Variants in ZNF280D observed in about 807,000 individuals in gnomAD.
ZNF280D encodes zinc finger protein 280D.
Under a neutral mutation model 94.7 loss-of-function variants are expected in ZNF280D, and 39 were observed. That is an observed-to-expected ratio of 0.41 (90% CI 0.32 to 0.54). The LOEUF (loss-of-function observed/expected upper bound fraction) is 0.54. ZNF280D is among the 20% of genes least tolerant of loss of function. The pLI, the probability that ZNF280D is intolerant of heterozygous loss-of-function variation, is 0.22. For missense variants in ZNF280D, 1,090 were observed against 1,149.3 expected (o/e 0.95, Z 0.75); for synonymous variants, 398 against 377.6 (o/e 1.05, Z -0.63).
chr15:56,694,790 A>G (rs1796243668), intron 6 of ZNF280D, among the ~76,000 whole-genome samples: 1 of 152,200 alleles, frequency 6.6e-6, no homozygotes, highest in Non-Finnish European at 1.5e-5. Flanking sequence ...TGGGCAGGAA[A>G]AAGAACATTA....
Position 56,733,488 on chromosome 15 carries a change from C to T in ZNF280D, c.-116G>A, listed in dbSNP as rs1253528461. Reference sequence around the variant, plus strand: ...GCGGAGCGGATCGGCCTGACTGGAGCCCTGAGGAGGAGGAGAAAGAGGAGG... The same window carrying T: ...GCGGAGCGGATCGGCCTGACTGGAGTCCTGAGGAGGAGGAGAAAGAGGAGG... On this transcript the variant is annotated 5_prime_UTR_variant, in exon 1 of 22. Transcript: ENST00000267807. 2.6e-6 allele frequency: 3 copies of T among 1,135,204 alleles called. No homozygotes were observed. The highest frequency in any genetic ancestry group is 9.3e-5 in the Admixed American group (2 of 21,616). The allele number at this position is 1,135,204 out of a possible 1,614,324, so 70.3% of individuals were successfully genotyped here. A position where few individuals can be genotyped will look rare whatever the true frequency, so the allele number is the denominator to read the frequency against.
chr15:56,698,477 T>G (rs2056877464), intron 6 of ZNF280D: 1 of 152,156 alleles, frequency 6.6e-6, no homozygotes, highest in African/African-American at 2.4e-5. Context: ...GTGACAGATT[T>G]GAGGAAATGT....
At chr15:56,659,887 T>A (rs1251186684) in intron 16 of ZNF280D, among the ~76,000 whole-genome samples, 1 of 150,278 alleles carries the variant, frequency 6.7e-6, no homozygotes, top group African/African-American at 2.4e-5. Context: ...ACCACATGTA[T>A]GTATAGGGAA....
At chr15:56,639,594 T>C (rs1304703233) in intron 20 of ZNF280D, among the ~76,000 whole-genome samples, 1 of 152,126 alleles carries the variant, frequency 6.6e-6, no homozygotes, top group Non-Finnish European at 1.5e-5. Flanking sequence ...GAGCAAGACA[T>C]GCATCAGACT....
At position 56,689,351 on chromosome 15, in the gene ZNF280D, G is replaced by C; in HGVS notation, c.619C>G (p.Pro207Ala). The stretch of plus-strand genomic sequence containing the variant: ...GTCACTGAAGGAGATTTAACTGAAG[G>C]TAATACAGCTGAGGAATTTGCTCCA... ...VSGANSSAVL[P>A]SVKSPSVTSS... The change falls in exon 8 of 22, where the codon CCT becomes GCT. Residue 207 changes from proline to alanine, a missense_variant. Coordinates refer to ENST00000267807, the MANE Select transcript of ZNF280D (RefSeq NM_017661.4). 1.9e-6 allele frequency: 3 copies of C among 1,610,082 alleles called. No individual in the cohort carries two copies. In the African/African-American group the frequency reaches 4.0e-5, roughly 21 times the overall value.
chr15:56,692,847 G>A (rs1258827644), intron 7 of ZNF280D, among the ~76,000 whole-genome samples: 3 of 152,044 alleles, frequency 2.0e-5, no homozygotes, highest in African/African-American at 7.2e-5. Context: ...CTCAGCTATG[G>A]TTAGCTCCAA....
intron 6 of ZNF280D, chr15:56,700,172 A>G (rs2056977032): frequency 1.0e-6 from 1 of 978,348 alleles, no homozygotes; most frequent in Non-Finnish European, 1.2e-6. Flanking sequence ...TCATGTCTAA[A>G]AAAGTGTACA....
chr15:56,661,169 C>T (rs2053920295), intron 16 of ZNF280D, among the ~76,000 whole-genome samples: 1 of 152,102 alleles, frequency 6.6e-6, no homozygotes, highest in African/African-American at 2.4e-5. Flanking sequence ...GAGTTCACTG[C>T]AGTTAGAAGA....
At chr15:56,674,883 C>G (rs1438707165) in intron 13 of ZNF280D, among the ~76,000 whole-genome samples, 2 of 151,966 alleles carry the variant, frequency 1.3e-5, no homozygotes, top group African/African-American at 2.4e-5. Flanking sequence ...AAAGTTACAA[C>G]TGAGTTCTTC....
At chr15:56,647,127 T>C (rs2086122352) in intron 19 of ZNF280D, among the ~76,000 whole-genome samples, 1 of 152,176 alleles carries the variant, frequency 6.6e-6, no homozygotes, top group African/African-American at 2.4e-5. Context: ...TGACCAAATT[T>C]GTGCATCAGA....
intron 1 of ZNF280D, among the ~76,000 whole-genome samples, chr15:56,715,295 A>C (rs1253141594): frequency 6.6e-6 from 1 of 152,128 alleles, no homozygotes; most frequent in East Asian, 1.9e-4. Context: ...AAAAAATAAA[A>C]CATGTTTACT....
At chr15:56,669,870 A>C (rs1566959316) in intron 13 of ZNF280D, among the ~76,000 whole-genome samples, 1 of 11,170 alleles carries the variant, frequency 9.0e-5, no homozygotes, top group Admixed American at 1.8e-3. Flanking sequence ...ATATATATAT[A>C]TTTTATATAT....
At chr15:56,714,383 A>C (rs2057928947) in intron 1 of ZNF280D, among the ~76,000 whole-genome samples, 1 of 152,196 alleles carries the variant, frequency 6.6e-6, no homozygotes, top group Non-Finnish European at 1.5e-5. Context: ...TAAGCACTCT[A>C]AGGAAGAAAA....
intron 4 of ZNF280D, 97 bp downstream of exon 4, chr15:56,704,024 G>T: frequency 1.5e-6 from 2 of 1,327,714 alleles, no homozygotes; most frequent in East Asian, 2.4e-5. Flanking sequence ...TCTTTACAGT[G>T]GAACATGAAC....
intron 1 of ZNF280D, among the ~76,000 whole-genome samples, chr15:56,728,978 T>A (rs1193980574): frequency 6.6e-6 from 1 of 152,224 alleles, no homozygotes; most frequent in African/African-American, 2.4e-5. Flanking sequence ...TTTCAACTCA[T>A]GATACTTTCA....
intron 14 of ZNF280D, 67 bp downstream of exon 14, chr15:56,668,756 T>C: frequency 2.2e-6 from 3 of 1,392,350 alleles, no homozygotes; most frequent in Non-Finnish European, 2.9e-6. Flanking sequence ...ATTCAATATA[T>C]AAAGCCGGGC....
chr15:56,726,434 TTTAC>T (rs2058634363), intron 1 of ZNF280D, among the ~76,000 whole-genome samples: 3 of 152,158 alleles, frequency 2.0e-5, no homozygotes, highest in Admixed American at 1.3e-4. Context: ...GAAGGGAAAA[TTTAC>T]TTACTACTTT....
At chr15:56,712,702 T>G (rs1463386965) in intron 1 of ZNF280D, among the ~76,000 whole-genome samples, 1 of 149,358 alleles carries the variant, frequency 6.7e-6, no homozygotes, top group Non-Finnish European at 1.5e-5. Flanking sequence ...AGCTGGTAAT[T>G]AAAACACAAA....
chr15:56,702,245 A>C (rs1333392172), intron 4 of ZNF280D, among the ~76,000 whole-genome samples: 1 of 152,172 alleles, frequency 6.6e-6, no homozygotes, highest in East Asian at 1.9e-4. Flanking sequence ...GTTTTCATTC[A>C]GAAATTCAGG....
Sources: gnomAD v4.1 joint callset for allele counts (sites outside exome capture counted in the v4.1 genomes callset) on GRCh38, gnomAD v4.1.1 for gene constraint, MANE v1.5 for transcripts, NCBI Gene and HGNC (gene_info 2026-07-23, HGNC 2026-07-21) for gene names.